Variants in GALNTL6 observed in about 807,000 individuals in gnomAD.
GALNTL6 encodes the protein polypeptide N-acetylgalactosaminyltransferase-like 6.
GALNTL6 carries 46 observed loss-of-function variants against 73.7 expected under a neutral mutation model. That is an observed-to-expected ratio of 0.62 (90% CI 0.49 to 0.80). The LOEUF is 0.80. Among genes scored for constraint, GALNTL6 ranks in the 30% least tolerant of loss-of-function variants. The probability of loss-of-function intolerance (pLI) is 0.00; values close to 1 mark genes in which losing one functional copy is unlikely to be tolerated. For missense variants in GALNTL6, 604 were observed against 755.0 expected, an observed-to-expected ratio of 0.80 and a Z score of 2.34; for synonymous variants, 259 against 263.7, an observed-to-expected ratio of 0.98 and a Z score of 0.17.
At chr4:172,559,790 A>T (rs1736286516) in intron 5 of GALNTL6, among the ~76,000 whole-genome samples, 1 of 152,212 alleles carries the variant, frequency 6.6e-6, no homozygotes, top group African/African-American at 2.4e-5. Flanking sequence ...CTGCCTAAAT[A>T]TAATGTGTTG....
intron 2 of GALNTL6, among the ~76,000 whole-genome samples, chr4:172,227,311 A>G (rs17221409): frequency 0.031 from 4,754 of 152,294 alleles, 110 homozygotes; most frequent in Non-Finnish European, 0.051. Flanking sequence ...AACTTCATTA[A>G]CAATGTTTGA....
chr4:171,834,965 A>G (rs1158261825), intron 2 of GALNTL6, among the ~76,000 whole-genome samples: 3 of 152,006 alleles, frequency 2.0e-5, no homozygotes, highest in Admixed American at 6.6e-5. Flanking sequence ...ATTTCATAGT[A>G]GTTAGCAAAA....
At chr4:172,036,595 T>C (rs745368176) in intron 2 of GALNTL6, among the ~76,000 whole-genome samples, 1 of 152,142 alleles carries the variant, frequency 6.6e-6, no homozygotes, top group Non-Finnish European at 1.5e-5. Context: ...ATTAGTTCAA[T>C]TAATTTCAGT....
At chr4:172,167,177 G>T (rs192930483) in intron 2 of GALNTL6, among the ~76,000 whole-genome samples, 287 of 152,236 alleles carry the variant, frequency 1.9e-3, no homozygotes, top group African/African-American at 6.6e-3. Flanking sequence ...TATTAAATCA[G>T]AATTTGGGGG....
At chr4:172,658,466 CAA>C (rs1207091609) in intron 5 of GALNTL6, among the ~76,000 whole-genome samples, 14 of 53,574 alleles carry the variant, frequency 2.6e-4, no homozygotes, top group Non-Finnish European at 2.7e-4. Context: ...GACTCCGTCT[CAA>C]AAAAAAAAAA....
intron 2 of GALNTL6, among the ~76,000 whole-genome samples, chr4:171,857,503 G>GC (rs1475489081): frequency 6.6e-6 from 1 of 152,122 alleles, no homozygotes; most frequent in Non-Finnish European, 1.5e-5. Flanking sequence ...TCAACAGTAA[G>GC]CAGATAACCA....
At chr4:172,974,560 C>T (rs775519565) in intron 10 of GALNTL6, among the ~76,000 whole-genome samples, 48 of 152,208 alleles carry the variant, frequency 3.2e-4, no homozygotes, top group Non-Finnish European at 5.6e-4. Context: ...AGAGGCCACA[C>T]TGGTGTCATG....
chr4:172,907,369 T>C (rs1369353130), intron 8 of GALNTL6, among the ~76,000 whole-genome samples: 1 of 152,188 alleles, frequency 6.6e-6, no homozygotes, highest in African/African-American at 2.4e-5. Context: ...TAATCATAAA[T>C]ATAATATTAC....
At chr4:172,054,395 G>A (rs1302208731) in intron 2 of GALNTL6, among the ~76,000 whole-genome samples, 1 of 152,110 alleles carries the variant, frequency 6.6e-6, no homozygotes, top group African/African-American at 2.4e-5. Flanking sequence ...TATTTAGGCT[G>A]CTATAATGAA....
chr4:172,165,239 A>G (rs1427754166), intron 2 of GALNTL6, among the ~76,000 whole-genome samples: 7 of 152,108 alleles, frequency 4.6e-5, no homozygotes, highest in Admixed American at 4.6e-4. Flanking sequence ...TCCCCCAGCA[A>G]CCAATTACGA....
intron 12 of GALNTL6, among the ~76,000 whole-genome samples, chr4:173,023,773 C>A (rs1193329240): frequency 6.6e-6 from 1 of 152,030 alleles, no homozygotes; most frequent in Non-Finnish European, 1.5e-5. Flanking sequence ...AATATCACTG[C>A]AATAGTAAAA....
chr4:172,134,225 A>G (rs1000123251), intron 2 of GALNTL6, among the ~76,000 whole-genome samples: 1 of 151,948 alleles, frequency 6.6e-6, no homozygotes, highest in Admixed American at 6.6e-5. Flanking sequence ...CTACTAAAAC[A>G]ATACAAAAAA....
chr4:171,970,716 A>T (rs1261669024), intron 2 of GALNTL6, among the ~76,000 whole-genome samples: 1 of 152,216 alleles, frequency 6.6e-6, no homozygotes, highest in African/African-American at 2.4e-5. Flanking sequence ...TTCTGGATCC[A>T]GTCAGAATTC....
chr4:172,556,646 A>G (rs1386736683), intron 5 of GALNTL6, among the ~76,000 whole-genome samples: 1 of 151,980 alleles, frequency 6.6e-6, no homozygotes, highest in Admixed American at 6.6e-5. Context: ...CATGAAGTCA[A>G]CTATTGCTAC....
intron 5 of GALNTL6, among the ~76,000 whole-genome samples, chr4:172,363,730 C>T (rs1742458352): frequency 1.3e-5 from 2 of 152,038 alleles, no homozygotes; most frequent in South Asian, 4.1e-4. Flanking sequence ...ACATATTCAC[C>T]CATTTGCTCA....
chr4:171,994,722 AAT>A (rs908361692), intron 2 of GALNTL6, among the ~76,000 whole-genome samples: 8 of 137,446 alleles, frequency 5.8e-5, no homozygotes, highest in African/African-American at 2.0e-4. Context: ...TGCAATACAA[AAT>A]ATGAAAAAAA....
chr4:172,041,667 C>G (rs1346551069), intron 2 of GALNTL6, among the ~76,000 whole-genome samples: 1 of 152,046 alleles, frequency 6.6e-6, no homozygotes, highest in Non-Finnish European at 1.5e-5. Context: ...ACATTGATTA[C>G]TTATGGTATG....
chr4:172,984,965 C>G (rs1002941992), intron 10 of GALNTL6, among the ~76,000 whole-genome samples: 3 of 152,080 alleles, frequency 2.0e-5, no homozygotes, highest in African/African-American at 7.2e-5. Flanking sequence ...AAAAAAGAAC[C>G]TGTACCCCCC....
chr4:172,029,808 T>C (rs1346295079), intron 2 of GALNTL6, among the ~76,000 whole-genome samples: 2 of 152,072 alleles, frequency 1.3e-5, no homozygotes, highest in African/African-American at 4.8e-5. Context: ...TCTAGCATGG[T>C]GGCTGGGACA....
Sources: gnomAD v4.1 joint callset for allele counts (sites outside exome capture counted in the v4.1 genomes callset) on GRCh38, gnomAD v4.1.1 for gene constraint, MANE v1.5 for transcripts, NCBI Gene and HGNC (gene_info 2026-07-23, HGNC 2026-07-21) for gene names.